The following NOL10 variants were observed in gnomAD, a reference collection of about 807,000 sequenced individuals.
NOL10 encodes nucleolar protein 10.
Under a neutral mutation model 103.5 loss-of-function variants are expected in NOL10, and 58 were observed. The observed-to-expected ratio is 0.56, with a 90% confidence interval of 0.45 to 0.70. NOL10 has a LOEUF of 0.70. Ranked by LOEUF, NOL10 falls within the 30% of genes least tolerant of loss-of-function variation. NOL10 has a pLI of 0.00. For missense variants in NOL10, 763 were observed against 807.3 expected (o/e 0.95, Z 0.67); for synonymous variants, 287 against 282.5 (o/e 1.02, Z -0.16).
In NOL10 at chr2:10,684,590, C is replaced by A; in HGVS notation, c.89G>T (p.Arg30Ile). Residue 30 changes from arginine (R) to isoleucine (I), a missense_variant, in exon 2 of 21, where the codon AGA becomes ATA. Arg to Ile is a moderately conservative substitution (Grantham distance 97). Transcript: ENST00000381685. Reference protein sequence around the residue: ...LPEWLSDRKKRALQKKDVDVR... With the variant: ...LPEWLSDRKKIALQKKDVDVR... ...ACCTACATCTTTCTTCTGTAGCGCT[C>A]TCTTCTTCCTATCAGAAAGCCACTT... 1 of 1,573,126 alleles carries A rather than the reference C, an allele frequency of 6.4e-7. No homozygotes were observed. The highest frequency in any genetic ancestry group is 1.2e-5 in the South Asian group (1 of 85,136).
intron 12 of NOL10, among the ~76,000 whole-genome samples, chr2:10,647,729 A>G (rs1679178404): frequency 6.6e-6 from 1 of 152,228 alleles, no homozygotes; most frequent in Non-Finnish European, 1.5e-5. Flanking sequence ...AGTTTACTAT[A>G]CAAGGCACCA....
At chr2:10,628,734 A>C (rs1677644307) in intron 13 of NOL10, among the ~76,000 whole-genome samples, 1 of 152,296 alleles carries the variant, frequency 6.6e-6, no homozygotes, top group African/African-American at 2.4e-5. Flanking sequence ...GTCTTAAATG[A>C]CCAGAATCAC....
intron 13 of NOL10, among the ~76,000 whole-genome samples, chr2:10,639,707 A>T (rs536733183): frequency 1.3e-5 from 2 of 152,336 alleles, no homozygotes; most frequent in African/African-American, 4.8e-5. Context: ...CTAACCTAAG[A>T]TTAAATTATG....
rs144490545 is a variant in NOL10, at chr2:10,608,908, T to C, written c.1027-1597A>G. ...TAGTGCAATCTACAATTTTTAAAAA[T>C]AGAAGTAAAGGTTTTTATATACTAA... is the stretch of plus-strand genomic sequence containing the variant. On this transcript the variant is annotated intron_variant, in intron 13 of 20. Transcript: ENST00000381685. Among the ~76,000 whole-genome samples, 413 of 152,250 alleles carry C rather than the reference T, an allele frequency of 2.7e-3. 2 individuals carry two copies. Among genetic ancestry groups the C allele is most frequent in the Non-Finnish European group, 3.3e-3 (224 of 68,012 alleles).
chr2:10,614,765 T>A (rs1015568137), intron 13 of NOL10, among the ~76,000 whole-genome samples: 5 of 152,342 alleles, frequency 3.3e-5, no homozygotes, highest in African/African-American at 1.2e-4. Flanking sequence ...ACACTATACA[T>A]AGCTACATAT....
chr2:10,676,063 T>C lies in NOL10; in HGVS notation c.212-192A>G, dbSNP rs148786661. 4.5e-3 allele frequency among the ~76,000 whole-genome samples: 682 copies of C among 152,284 alleles called. 4 individuals are homozygous for C. The highest frequency in any genetic ancestry group is 7.7e-3 in the Non-Finnish European group (522 of 68,022). On this transcript the variant is annotated intron_variant, in intron 3 of 20. Coordinates refer to ENST00000381685, the MANE Select transcript of NOL10 (RefSeq NM_024894.4). ...GAGCAAAAGCTAAACAAGCAAGTCA[T>C]AGAAAACCAAACAAAATAACTAAGA...
intron 19 of NOL10, among the ~76,000 whole-genome samples, chr2:10,583,902 C>T (rs1278797391): frequency 1.3e-5 from 2 of 152,126 alleles, no homozygotes; most frequent in Non-Finnish European, 2.9e-5. Context: ...TTTGCTACAA[C>T]AAACATGCAC....
intron 13 of NOL10, among the ~76,000 whole-genome samples, chr2:10,635,561 C>T (rs899359328): frequency 3.3e-5 from 5 of 152,144 alleles, no homozygotes; most frequent in African/African-American, 1.2e-4. Flanking sequence ...AAAAAAGAGA[C>T]TGATACAAAG....
At chr2:10,583,660 A>G (rs1295955433) in intron 19 of NOL10, among the ~76,000 whole-genome samples, 1 of 152,220 alleles carries the variant, frequency 6.6e-6, no homozygotes, top group Admixed American at 6.5e-5. Context: ...TGATATTATT[A>G]GGAACTGATG....
intron 13 of NOL10, among the ~76,000 whole-genome samples, chr2:10,612,067 G>A (rs1676602496): frequency 6.6e-6 from 1 of 152,118 alleles, no homozygotes; most frequent in Admixed American, 6.5e-5. Flanking sequence ...AGGCTGCAGT[G>A]AGCTATGATG....
chr2:10,687,915 C>T (rs773931035), intron 1 of NOL10, among the ~76,000 whole-genome samples: 4 of 152,010 alleles, frequency 2.6e-5, no homozygotes, highest in Non-Finnish European at 5.9e-5. Context: ...CCATTGCACG[C>T]GACCTCAAAA....
At chr2:10,675,339 C>A (rs1047509585) in intron 4 of NOL10, among the ~76,000 whole-genome samples, 2 of 152,052 alleles carry the variant, frequency 1.3e-5, no homozygotes, top group East Asian at 1.9e-4. Flanking sequence ...TGGCCCCCAG[C>A]TGACAGCCAG....
intron 2 of NOL10, among the ~76,000 whole-genome samples, chr2:10,684,304 C>G (rs374037088): frequency 6.7e-6 from 1 of 150,132 alleles, no homozygotes; most frequent in Admixed American, 6.6e-5. Context: ...AGAAGAGCTG[C>G]GTACAGTGGC....
Position 10,571,783 on chromosome 2 carries a change from T to TAAA in NOL10, c.*285_*287dup, listed in dbSNP as rs3832140. 50,963 of 264,528 alleles carry TAAA rather than the reference T, an allele frequency of 0.19. 7,584 individuals carry two copies. Among genetic ancestry groups the TAAA allele is most frequent in the African/African-American group, 0.44 (19,780 of 44,658 alleles). The allele number at this position is 264,528 out of a possible 1,614,324, so 16.4% of individuals were successfully genotyped here. A position where few individuals can be genotyped will look rare whatever the true frequency, so the allele number is the denominator to read the frequency against. On this transcript the variant is annotated 3_prime_UTR_variant, in exon 21 of 21. Coordinates refer to ENST00000381685, the MANE Select transcript of NOL10 (RefSeq NM_024894.4). ...TTTCATGGTGTACATTTCACAATAT[T>TAAA]AAAAAAACCCCAGCCTGGTTTTCAT...
intron 13 of NOL10, among the ~76,000 whole-genome samples, chr2:10,614,251 T>C (rs1192351151): frequency 2.0e-5 from 3 of 152,056 alleles, no homozygotes; most frequent in East Asian, 3.9e-4. Context: ...TGAGCCAGAG[T>C]GCCCAGCCCG....
intron 9 of NOL10, among the ~76,000 whole-genome samples, chr2:10,660,364 C>A (rs1037119223): frequency 2.6e-5 from 4 of 152,336 alleles, no homozygotes; most frequent in Non-Finnish European, 2.9e-5. Context: ...GTCGCCCAGG[C>A]TGGAGTGCAG....
chr2:10,587,064 T>C (rs1393106626), intron 19 of NOL10, among the ~76,000 whole-genome samples: 1 of 41,358 alleles, frequency 2.4e-5, no homozygotes, highest in African/African-American at 1.0e-4. Flanking sequence ...TACATATATA[T>C]ATACATATAT....
At chr2:10,629,110 TCCCTCCCCCCA>T (rs1320659284) in intron 13 of NOL10, among the ~76,000 whole-genome samples, 10 of 73,796 alleles carry the variant, frequency 1.4e-4, no homozygotes, top group Non-Finnish European at 5.5e-5. Context: ...TACACCTCCC[TCCCTCCCCCCA>T]CCACCCCTCC....
chr2:10,580,423 G>A (rs1417441631), intron 19 of NOL10, among the ~76,000 whole-genome samples: 1 of 143,184 alleles, frequency 7.0e-6, no homozygotes, highest in African/African-American at 2.6e-5. Context: ...CTTTAGGTCT[G>A]ACAGCCATGG....
Sources: gnomAD v4.1 joint callset for allele counts (sites outside exome capture counted in the v4.1 genomes callset) on GRCh38, gnomAD v4.1.1 for gene constraint, MANE v1.5 for transcripts, NCBI Gene and HGNC (gene_info 2026-07-23, HGNC 2026-07-21) for gene names.